Variants in THSD7B observed in about 807,000 individuals in gnomAD.
THSD7B encodes the protein thrombospondin type 1 domain containing 7B.
A neutral mutation model predicts 213.6 loss-of-function variants in THSD7B; 138 were observed. The ratio of observed to expected loss-of-function variants is 0.65; its 90% CI spans 0.56 to 0.74. The LOEUF (loss-of-function observed/expected upper bound fraction) is 0.74. Ranked by LOEUF, THSD7B falls within the 30% of genes least tolerant of loss-of-function variation. The pLI is 0.00. For synonymous variants in THSD7B, 742 were observed against 687.0 expected (o/e 1.08, Z -1.25); for missense variants, 1,931 against 1,991.5 (o/e 0.97, Z 0.58).
chr2:137,606,819 G>T (rs1263495297), intron 17 of THSD7B, among the ~76,000 whole-genome samples: 1 of 152,090 alleles, frequency 6.6e-6, no homozygotes, highest in Non-Finnish European at 1.5e-5. Context: ...AGAAGGAAAG[G>T]AAAGAGAGAG....
chr2:136,949,428 C>G (rs1379340855), intron 2 of THSD7B, among the ~76,000 whole-genome samples: 3 of 152,202 alleles, frequency 2.0e-5, no homozygotes, highest in Non-Finnish European at 2.9e-5. Flanking sequence ...GCATTTGAAG[C>G]CAGCTGGACT....
chr2:137,264,812 A>T (rs74908809), intron 10 of THSD7B, among the ~76,000 whole-genome samples: 4,305 of 149,712 alleles, frequency 0.029, 114 homozygotes, highest in Middle Eastern at 0.095. Flanking sequence ...TTTTTTTTTT[A>T]AATTTTTTTT....
intron 3 of THSD7B, among the ~76,000 whole-genome samples, chr2:137,090,355 C>G (rs1351288703): frequency 6.6e-6 from 1 of 151,794 alleles, no homozygotes; most frequent in Non-Finnish European, 1.5e-5. Context: ...GTTAGTTTTG[C>G]TAGAAAGGTA....
intron 12 of THSD7B, among the ~76,000 whole-genome samples, chr2:137,284,100 A>T (rs1211838004): frequency 6.6e-6 from 1 of 152,144 alleles, no homozygotes; most frequent in East Asian, 1.9e-4. Context: ...CTATTCAGAG[A>T]TTCCACTTCT....
chr2:136,879,839 T>C (rs1683590176), intron 1 of THSD7B, among the ~76,000 whole-genome samples: 1 of 152,130 alleles, frequency 6.6e-6, no homozygotes, highest in Non-Finnish European at 1.5e-5. Flanking sequence ...AAATAGACTT[T>C]AAACCAACAA....
chr2:136,866,927 G>T (rs1371686675), intron 1 of THSD7B, among the ~76,000 whole-genome samples: 1 of 136,070 alleles, frequency 7.3e-6, no homozygotes, highest in Non-Finnish European at 1.6e-5. Flanking sequence ...GAGGTTGCTG[G>T]CTTTTCTAGC....
chr2:137,557,309 A>G (rs1680996095), intron 15 of THSD7B, among the ~76,000 whole-genome samples: 1 of 152,206 alleles, frequency 6.6e-6, no homozygotes. Context: ...ACTCCTCAGC[A>G]AATGTAAAAG....
At chr2:137,390,017 G>T (rs1294258020) in intron 12 of THSD7B, among the ~76,000 whole-genome samples, 1 of 152,006 alleles carries the variant, frequency 6.6e-6, no homozygotes, top group Non-Finnish European at 1.5e-5. Context: ...GCTCAGGATT[G>T]GTTCAGCTAA....
rs551915169 is a variant in THSD7B, at chr2:137,116,568, T to G, written c.1369+1275T>G. 1.4e-4 allele frequency among the ~76,000 whole-genome samples: 21 copies of G among 152,368 alleles called. No homozygotes were observed. The South Asian group carries it at 4.3e-3, about 32-fold the overall frequency. On this transcript the variant is annotated intron_variant, in intron 5 of 27. Coordinates refer to ENST00000409968, the MANE Select transcript of THSD7B (RefSeq NM_001316349.2). ...AAACTTGTATAGAATTGATGCATTA[T>G]GACCTACCTATTTTTCAGCTTCAAC...
intron 5 of THSD7B, among the ~76,000 whole-genome samples, chr2:137,127,945 C>A (rs965923094): frequency 3.3e-5 from 5 of 151,864 alleles, no homozygotes; most frequent in African/African-American, 4.8e-5. Flanking sequence ...AATAAAAAAA[C>A]CAAAAAGCCC....
At chr2:137,206,103 C>T (rs752908006) in intron 7 of THSD7B, among the ~76,000 whole-genome samples, 135 of 150,044 alleles carry the variant, frequency 9.0e-4, no homozygotes, top group Non-Finnish European at 1.0e-3. Context: ...TCAGGAATTG[C>T]GGAGGGTGAT....
intron 15 of THSD7B, among the ~76,000 whole-genome samples, chr2:137,462,537 T>A (rs1687905367): frequency 2.6e-5 from 4 of 151,988 alleles, no homozygotes; most frequent in Admixed American, 2.0e-4. Context: ...TTGTAATTGC[T>A]CCCTCTCCTG....
chr2:136,858,153 A>G (rs1683203659), intron 1 of THSD7B, among the ~76,000 whole-genome samples: 1 of 152,228 alleles, frequency 6.6e-6, no homozygotes, highest in African/African-American at 2.4e-5. Context: ...AAGTGAACAG[A>G]GATTAGTTAT....
Position 137,057,127 on chromosome 2 carries a change from AG to A in THSD7B, c.848del (p.Ser283IlefsTer13). On this transcript the variant is annotated frameshift_variant, in exon 3 of 28. Transcript: ENST00000409968. LOFTEE classifies it high-confidence loss of function. ...TGAGCGAGTCACCTTTAAACATCAA[AG>A]TTACAAAGCACATCATCATTCGAAG... ...SNERVTFKHQ[S>X]YKAHHHSKSW... The A allele has an allele frequency of 6.2e-7, 1 of 1,613,982 alleles. No individual in the cohort carries two copies. Among genetic ancestry groups the A allele is most frequent in the Non-Finnish European group, 8.5e-7 (1 of 1,179,888 alleles).
Position 137,056,471 on chromosome 2 carries a change from G to A in THSD7B, c.191G>A (p.Arg64Gln). The A allele has an allele frequency of 6.2e-7, 1 of 1,613,906 alleles. No individual in the cohort carries two copies. Among genetic ancestry groups the A allele is most frequent in the South Asian group, 1.1e-5 (1 of 91,072 alleles). ...GDCGPGGVQS[R>Q]AVWCFHVDGW... ...TGTGGTCCCGGAGGAGTCCAGAGTC[G>A]GGCAGTGTGGTGTTTTCATGTTGAC... Residue 64 changes from arginine (R) to glutamine (Q), a missense_variant, in exon 3 of 28, where the codon CGG (arginine) becomes CAG (glutamine). Physicochemically the swap from Arg to Gln is conservative, Grantham distance 43. Coordinates refer to ENST00000409968, the MANE Select transcript of THSD7B (RefSeq NM_001316349.2).
intron 7 of THSD7B, among the ~76,000 whole-genome samples, chr2:137,180,707 T>C (rs984670655): frequency 1.3e-5 from 2 of 152,202 alleles, no homozygotes; most frequent in Non-Finnish European, 2.9e-5. Flanking sequence ...TACCAGAAGT[T>C]TGAACTTCAG....
chr2:137,384,347 C>A (rs1012468761), intron 12 of THSD7B, among the ~76,000 whole-genome samples: 9 of 152,316 alleles, frequency 5.9e-5, no homozygotes, highest in Non-Finnish European at 5.9e-5. Flanking sequence ...AGATTTCTTT[C>A]TCTGCAACCT....
intron 12 of THSD7B, among the ~76,000 whole-genome samples, chr2:137,352,815 G>A (rs1293787430): frequency 6.6e-6 from 1 of 151,906 alleles, no homozygotes; most frequent in African/African-American, 2.4e-5. Context: ...AAAATGTATT[G>A]AGAAAAAATA....
intron 12 of THSD7B, among the ~76,000 whole-genome samples, chr2:137,292,124 A>C (rs1190192969): frequency 6.6e-6 from 1 of 152,172 alleles, no homozygotes; most frequent in Non-Finnish European, 1.5e-5. Context: ...ATGATTACAC[A>C]GATCTAATTT....
Sources: gnomAD v4.1 joint callset for allele counts (sites outside exome capture counted in the v4.1 genomes callset) on GRCh38, gnomAD v4.1.1 for gene constraint, MANE v1.5 for transcripts, NCBI Gene and HGNC (gene_info 2026-07-23, HGNC 2026-07-21) for gene names.